FREM1: variants seen among roughly 807,000 people sequenced by gnomAD.
The protein encoded by FREM1 is FRAS1 related extracellular matrix 1, also known as FRAS1-related extracellular matrix protein 1.
In FREM1, 220 loss-of-function variants were observed where a neutral mutation model predicts 210.1. The ratio of observed to expected loss-of-function variants is 1.05; its 90% CI spans 0.94 to 1.17. The LOEUF is 1.17. Ranked by LOEUF, FREM1 falls within the 50% of genes most tolerant of loss-of-function variation. FREM1 has a pLI of 0.00. For synonymous variants in FREM1, 1,189 were observed against 980.2 expected (o/e 1.21, Z -3.98); for missense variants, 3,454 against 2,675.5 (o/e 1.29, Z -6.42).
At chr9:14,903,177 G>C (rs1055805829) in intron 1 of FREM1, among the ~76,000 whole-genome samples, 6 of 152,188 alleles carry the variant, frequency 3.9e-5, no homozygotes, top group Non-Finnish European at 2.9e-5. Context: ...AAAATGCTGT[G>C]TGGTCTCATT....
intron 27 of FREM1, among the ~76,000 whole-genome samples, chr9:14,768,700 C>T (rs145261573): frequency 1.8e-3 from 279 of 152,264 alleles, no homozygotes; most frequent in Non-Finnish European, 2.7e-3. Flanking sequence ...ACAATGACTA[C>T]TGTGACCTCT....
chr9:14,875,444 C>T (rs1421583662), intron 1 of FREM1, among the ~76,000 whole-genome samples: 1 of 152,214 alleles, frequency 6.6e-6, no homozygotes, highest in Non-Finnish European at 1.5e-5. Context: ...ATCACTGATA[C>T]CCTTTCTTCC....
At chr9:14,878,459 T>A (rs73642431) in intron 1 of FREM1, among the ~76,000 whole-genome samples, 159 of 152,310 alleles carry the variant, frequency 1.0e-3, no homozygotes, top group African/African-American at 3.8e-3. Flanking sequence ...TGGTCACACC[T>A]AACAACCCCA....
At chr9:14,861,296 TATATACAC>T (rs1336082139) in intron 3 of FREM1, among the ~76,000 whole-genome samples, 7 of 104,916 alleles carry the variant, frequency 6.7e-5, no homozygotes, top group Admixed American at 9.6e-5. Context: ...CATATATACA[TATATACAC>T]ATATATACAT....
In FREM1 at chr9:14,759,836, C is replaced by G. The variant is rs374524030; in HGVS notation, c.5270G>C (p.Gly1757Ala). The change falls in exon 28 of 37, where the codon GGT (glycine) becomes GCT (alanine). Residue 1757 changes from glycine (G) to alanine (A), a missense_variant. Transcript: ENST00000380880. ...TCTGATAATTTCCAAGGGCAACAAA[C>G]CCACATTCTCACAGACTTCATATTC... ...QTEYEVCENV[G>A]LLPLEIIRRG... is the part of the protein sequence containing the mutation. 1.2e-6 allele frequency: 2 copies of G among 1,612,592 alleles called. No homozygotes were observed. The highest frequency in any genetic ancestry group is 2.2e-5 in the South Asian group (2 of 90,842).
At chr9:14,749,029 G>C (rs934236356) in intron 30 of FREM1, among the ~76,000 whole-genome samples, 3 of 152,100 alleles carry the variant, frequency 2.0e-5, no homozygotes, top group African/African-American at 7.2e-5. Context: ...TCATTTCCTA[G>C]AGGTAGAAAC....
In FREM1 at chr9:14,836,874, G is replaced by C. The variant is rs1824722381; in HGVS notation, c.1881+4573C>G. Among the ~76,000 whole-genome samples, 1 of 152,166 alleles carries C rather than the reference G, an allele frequency of 6.6e-6. No individual in the cohort carries two copies. The highest frequency in any genetic ancestry group is 2.1e-4 in the South Asian group (1 of 4,828). On this transcript the variant is annotated intron_variant, in intron 10 of 36. Transcript: ENST00000380880. This position sits in a 1 kb window ranked among gnomAD's most constrained non-coding sequence, Gnocchi z 4.9. ...GCAGTTAGTGTGATATTGCCGCAGG[G>C]AGGAATGTGGTAGGAGTTATTAAGA...
Position 14,794,861 on chromosome 9 carries a change from G to T in FREM1, c.3840-1977C>A, listed in dbSNP as rs539410691. Among the ~76,000 whole-genome samples the T allele has an allele frequency of 6.9e-3, 1,050 of 152,096 alleles. 16 individuals carry two copies. The highest frequency in any genetic ancestry group is 0.024 in the African/African-American group (985 of 41,504). On this transcript the variant is annotated intron_variant, in intron 21 of 36. Coordinates refer to ENST00000380880, the MANE Select transcript of FREM1 (RefSeq NM_001379081.2). ...AAAAATACAAAAATTAGCCAGGCGTGGTGGCAGGCGCCTGTAGTCCCAGCT... is the reference window on the plus strand; with the variant it reads ...AAAAATACAAAAATTAGCCAGGCGTTGTGGCAGGCGCCTGTAGTCCCAGCT...
rs111653624 is a variant in FREM1, at chr9:14,836,598, C to A, written c.1881+4849G>T. Among the ~76,000 whole-genome samples the A allele has an allele frequency of 1.8e-3, 276 of 152,246 alleles. 3 individuals are homozygous for A. The highest frequency in any genetic ancestry group is 0.013 in the South Asian group (62 of 4,818). On this transcript the variant is annotated intron_variant, in intron 10 of 36. Coordinates refer to ENST00000380880, the MANE Select transcript of FREM1 (RefSeq NM_001379081.2). The surrounding 1 kb of genome is among the most constrained non-coding windows in gnomAD (Gnocchi z 4.9). The stretch of plus-strand genomic sequence containing the variant: ...GAATTGGTTAACCCCTTTATTAAGC[C>A]CTCTCTTGCTTATATGTCTTGAATT...
rs566593154 is a variant in FREM1, at chr9:14,903,344, C to T, written c.-268+6570G>A. On this transcript the variant is annotated intron_variant, in intron 1 of 36. Transcript: ENST00000380880. The stretch of plus-strand genomic sequence containing the variant: ...TATGAAGAATGACTGATGAGGAAAG[C>T]AAAAGGCATGTGTCTATAATTTGAA... 3.3e-5 allele frequency among the ~76,000 whole-genome samples: 5 copies of T among 152,256 alleles called. No individual in the cohort carries two copies. In the South Asian group the frequency reaches 1.0e-3, roughly 32 times the overall value.
chr9:14,885,082 G>A (rs570660737), intron 1 of FREM1, among the ~76,000 whole-genome samples: 9,917 of 120,158 alleles, frequency 0.083, 2,010 homozygotes, highest in African/African-American at 0.29. Flanking sequence ...CCGCCACCGC[G>A]CCCGGCTAAT....
intron 34 of FREM1, 52 bp from the exon 35 acceptor site, chr9:14,746,520 T>C (rs1455557894): frequency 2.7e-6 from 4 of 1,455,966 alleles, no homozygotes; most frequent in East Asian, 4.5e-5. Context: ...CAATCTGGAG[T>C]TGGTTCAGCA....
chr9:14,886,384 CAAAAAAAAAA>C (rs60702421), intron 1 of FREM1, among the ~76,000 whole-genome samples: 2 of 59,820 alleles, frequency 3.3e-5, no homozygotes, highest in East Asian at 7.8e-4. Flanking sequence ...GACTCCGACT[CAAAAAAAAAA>C]AAAAAAAAAA....
chr9:14,903,686 G>C (rs145950582), intron 1 of FREM1, among the ~76,000 whole-genome samples: 269 of 152,208 alleles, frequency 1.8e-3, no homozygotes, highest in African/African-American at 6.3e-3. Context: ...GAAGGCAGAA[G>C]GACAACACTG....
chr9:14,830,123 T>C (rs781326264), intron 10 of FREM1, among the ~76,000 whole-genome samples: 3 of 152,144 alleles, frequency 2.0e-5, no homozygotes, highest in Non-Finnish European at 4.4e-5. Context: ...TAGCACTGGA[T>C]AGTTTCAAGG....
At chr9:14,807,266 C>T (rs928209060) in intron 17 of FREM1, among the ~76,000 whole-genome samples, 1 of 152,180 alleles carries the variant, frequency 6.6e-6, no homozygotes, top group Admixed American at 6.5e-5. Context: ...CAGTTGGTAC[C>T]TCTGTTTGTC....
In FREM1 at chr9:14,784,000, C is replaced by T. The variant is rs138526445; in HGVS notation, c.4442+370G>A. On this transcript the variant is annotated intron_variant, in intron 24 of 36. Transcript: ENST00000380880. ...CAGATCTATCTTTAGCTGGGAGCCT[C>T]AGCTTTTCACATTTCTCCTCGTAGC... 5.5e-3 allele frequency among the ~76,000 whole-genome samples: 839 copies of T among 152,280 alleles called. 13 individuals carry two copies. The highest frequency in any genetic ancestry group is 0.019 in the African/African-American group (784 of 41,548).
Position 14,758,781 on chromosome 9 carries a change from TA to T in FREM1, c.5334+990del, listed in dbSNP as rs956350287. Among the ~76,000 whole-genome samples the T allele has an allele frequency of 1.5e-3, 226 of 152,072 alleles. 2 individuals are homozygous for T. Among genetic ancestry groups the T allele is most frequent in the African/African-American group, 5.2e-3 (217 of 41,486 alleles). ...GAAGCGCTCTTGTTATAACGACTCC[TA>T]AAAAAAATTCTTCAATTCTAGAAGC... On this transcript the variant is annotated intron_variant, in intron 28 of 36. Transcript: ENST00000380880.
In FREM1 at chr9:14,775,895, C is replaced by T; in HGVS notation, c.4751G>A (p.Gly1584Glu). Residue 1584 changes from glycine (G) to glutamate (E), a missense_variant, in exon 25 of 37, where the codon GGG becomes GAG. Transcript: ENST00000380880. ...AGTAAAGCAGTCAGTCTGGGAGTCC[C>T]CTCCTGAGTGCCGATAGGCCACATT... ...SKNVAYRHSG[G>E]DSQTDCFTFM... The T allele has an allele frequency of 1.2e-6, 2 of 1,613,942 alleles. No homozygotes were observed. Among genetic ancestry groups the T allele is most frequent in the Non-Finnish European group, 1.7e-6 (2 of 1,179,842 alleles).
Sources: gnomAD v4.1 joint callset for allele counts (sites outside exome capture counted in the v4.1 genomes callset) on GRCh38, gnomAD v4.1.1 for gene constraint, Gnocchi (gnomAD v3.1) non-coding constraint, MANE v1.5 for transcripts, NCBI Gene and HGNC (gene_info 2026-07-23, HGNC 2026-07-21) for gene names.